Variants in DYM observed in about 807,000 individuals in gnomAD.
DYM encodes dymeclin.
DYM carries 78 observed loss-of-function variants against 93.1 expected under a neutral mutation model. The observed-to-expected ratio is 0.84, with a 90% CI of 0.70 to 1.01. DYM has a LOEUF of 1.01. Ranked by LOEUF, DYM falls within the 50% of genes least tolerant of loss-of-function variation. The pLI, the probability that DYM is intolerant of heterozygous loss-of-function variation, is 0.00. For synonymous variants in DYM, 321 were observed against 319.7 expected (o/e 1.00, Z -0.04); for missense variants, 789 against 845.0 (o/e 0.93, Z 0.82).
rs376224814 is a variant in DYM at position 49,060,577 on chromosome 18, T to C, written c.2026-16373A>G. The stretch of plus-strand genomic sequence containing the variant: ...GTGCCATGCAGCCCCAGGTCAGGCA[T>C]TGCTGAGTGAGGAACAGTACCCTCT... On this transcript the variant is annotated intron_variant, in intron 17 of 17. Coordinates refer to ENST00000675505, the MANE Select transcript of DYM (RefSeq NM_001353214.3). Among the ~76,000 whole-genome samples the C allele has an allele frequency of 4.8e-5, 7 of 146,342 alleles. No individual in the cohort carries two copies. In the East Asian group the frequency reaches 1.4e-3, roughly 30 times the overall value.
chr18:49,385,658 G>A (rs984019885), intron 3 of DYM, among the ~76,000 whole-genome samples: 3 of 151,766 alleles, frequency 2.0e-5, no homozygotes, highest in African/African-American at 7.3e-5. Context: ...TCACACCATT[G>A]CACTCCAGCC....
intron 1 of DYM, among the ~76,000 whole-genome samples, chr18:49,457,189 C>G (rs1265187701): frequency 6.6e-6 from 1 of 152,170 alleles, no homozygotes; most frequent in African/African-American, 2.4e-5. Flanking sequence ...TGAAGATATT[C>G]TCTCACTTTC....
intron 6 of DYM, among the ~76,000 whole-genome samples, chr18:49,357,579 T>C (rs1344862809): frequency 6.6e-6 from 1 of 152,214 alleles, no homozygotes; most frequent in Non-Finnish European, 1.5e-5. Context: ...GGAATATGCC[T>C]TAGCACAATA....
At chr18:49,442,884 G>T (rs1489770791) in intron 1 of DYM, among the ~76,000 whole-genome samples, 1 of 150,070 alleles carries the variant, frequency 6.7e-6, no homozygotes, top group Non-Finnish European at 1.5e-5. Flanking sequence ...TTCAGACAGG[G>T]TCTTGCTCTG....
intron 6 of DYM, among the ~76,000 whole-genome samples, chr18:49,337,097 T>A (rs1159310145): frequency 2.0e-5 from 3 of 152,190 alleles, no homozygotes; most frequent in African/African-American, 7.2e-5. Context: ...ATACCTTCCT[T>A]AATAGATCCA....
At chr18:49,201,468 T>C (rs541974799) in intron 14 of DYM, among the ~76,000 whole-genome samples, 1 of 152,288 alleles carries the variant, frequency 6.6e-6, no homozygotes, top group East Asian at 1.9e-4. Context: ...CGCAGCATGC[T>C]TCGACCACAT....
intron 17 of DYM, among the ~76,000 whole-genome samples, chr18:49,059,021 T>G (rs935470049): frequency 2.0e-5 from 3 of 152,250 alleles, no homozygotes; most frequent in Non-Finnish European, 4.4e-5. Flanking sequence ...GATGTGCTTA[T>G]TTAAAGAGAA....
chr18:49,409,239 G>C (rs144433398), intron 2 of DYM, among the ~76,000 whole-genome samples: 1,877 of 144,684 alleles, frequency 0.013, 19 homozygotes, highest in South Asian at 0.041. Flanking sequence ...AGCCGAGATT[G>C]CACCACTGCA....
intron 15 of DYM, among the ~76,000 whole-genome samples, chr18:49,139,798 A>G (rs922475000): frequency 6.6e-6 from 1 of 152,204 alleles, no homozygotes; most frequent in African/African-American, 2.4e-5. Context: ...ACTGCACCCC[A>G]TGGTCATTCC....
intron 5 of DYM, among the ~76,000 whole-genome samples, chr18:49,365,759 A>G (rs1396510854): frequency 6.6e-6 from 1 of 152,200 alleles, no homozygotes; most frequent in African/African-American, 2.4e-5. Flanking sequence ...GGAAGGTGAG[A>G]GACCAAGCAC....
At chr18:49,233,539 A>G (rs1016912100) in intron 13 of DYM, among the ~76,000 whole-genome samples, 3 of 152,136 alleles carry the variant, frequency 2.0e-5, no homozygotes, top group Non-Finnish European at 2.9e-5. Context: ...TAACTTGCCT[A>G]TGATGGTGCT....
Position 49,036,979 on chromosome 18 carries a change from G to C in DYM, c.*7076C>G, listed in dbSNP as rs1316096398. 2.0e-5 allele frequency among the ~76,000 whole-genome samples: 3 copies of C among 152,048 alleles called. No homozygotes were observed. ...TGCAGTGGCACAATCTCTGCCCACTGAACCCTCCACCTCCCAGGTTCAAGC... is the reference window on the plus strand; with the variant it reads ...TGCAGTGGCACAATCTCTGCCCACTCAACCCTCCACCTCCCAGGTTCAAGC... On this transcript the variant is annotated 3_prime_UTR_variant, in exon 18 of 18. Transcript: ENST00000675505.
chr18:49,388,993 G>T (rs374509961), intron 3 of DYM, among the ~76,000 whole-genome samples: 2 of 151,192 alleles, frequency 1.3e-5, no homozygotes, highest in South Asian at 4.2e-4. Context: ...TTTCAAAAAG[G>T]AAACTAAGTA....
intron 17 of DYM, among the ~76,000 whole-genome samples, chr18:49,082,477 T>C (rs982481082): frequency 6.6e-6 from 1 of 152,228 alleles, no homozygotes; most frequent in African/African-American, 2.4e-5. Flanking sequence ...TATTCAGAAA[T>C]ATTTAACAAG....
chr18:49,446,495 G>A (rs1167758106), intron 1 of DYM, among the ~76,000 whole-genome samples: 2 of 152,060 alleles, frequency 1.3e-5, no homozygotes, highest in African/African-American at 2.4e-5. Context: ...AATTCAATGT[G>A]CAAATACTAA....
Position 49,264,101 on chromosome 18 carries a change from G to T in DYM, c.1252-5608C>A, listed in dbSNP as rs1343396900. On this transcript the variant is annotated intron_variant, in intron 11 of 17. Coordinates refer to ENST00000675505, the MANE Select transcript of DYM (RefSeq NM_001353214.3). ...ACTATCCTGAAATTGGATGGGCGTT[G>T]TTTTTTTTTTTTTTTTGAGTTTTAT... Among the ~76,000 whole-genome samples the T allele has an allele frequency of 1.9e-3, 260 of 135,518 alleles. 1 individual carries two copies. Among genetic ancestry groups the T allele is most frequent in the Non-Finnish European group, 3.0e-3 (187 of 62,298 alleles). The allele number at this position is 135,518 out of a possible 152,430, so 88.9% of individuals were successfully genotyped here.
chr18:49,221,822 G>C (rs1339858358), intron 13 of DYM, among the ~76,000 whole-genome samples: 3 of 151,926 alleles, frequency 2.0e-5, no homozygotes, highest in African/African-American at 7.3e-5. Flanking sequence ...CGAGTTAATG[G>C]GTGGAGCACA....
At chr18:49,453,904 C>T (rs2082744747) in intron 1 of DYM, among the ~76,000 whole-genome samples, 1 of 152,150 alleles carries the variant, frequency 6.6e-6, no homozygotes, top group Non-Finnish European at 1.5e-5. Context: ...AAGGTTAACA[C>T]TAAAGTTACT....
chr18:49,310,469 A>G (rs2061524535), intron 8 of DYM, among the ~76,000 whole-genome samples: 1 of 151,328 alleles, frequency 6.6e-6, no homozygotes, highest in African/African-American at 2.4e-5. Flanking sequence ...AAAATTACAT[A>G]CCTGAAGTAT....
Sources: gnomAD v4.1 joint callset for allele counts (sites outside exome capture counted in the v4.1 genomes callset) on GRCh38, gnomAD v4.1.1 for gene constraint, MANE v1.5 for transcripts, NCBI Gene and HGNC (gene_info 2026-07-23, HGNC 2026-07-21) for gene names.